Variants in EPHA6 observed in about 807,000 individuals in gnomAD.
The protein encoded by EPHA6 is ephrin type-A receptor 6.
In EPHA6, 50 loss-of-function variants were observed where a neutral mutation model predicts 112.0. The ratio of observed to expected loss-of-function variants is 0.45; its 90% CI spans 0.36 to 0.56. The LOEUF is 0.56. Among genes scored for constraint, EPHA6 ranks in the 20% least tolerant of loss-of-function variants. The pLI, the probability that EPHA6 is intolerant of heterozygous loss-of-function variation, is 0.00. For missense variants in EPHA6, 1,280 were observed against 1,417.4 expected (o/e 0.90, Z 1.56); for synonymous variants, 529 against 490.7 (o/e 1.08, Z -1.03).
intron 5 of EPHA6, among the ~76,000 whole-genome samples, chr3:97,295,133 G>A (rs565334515): frequency 4.1e-4 from 62 of 152,210 alleles, no homozygotes; most frequent in African/African-American, 1.5e-3. Flanking sequence ...CTAGACCTCA[G>A]AAGTTTTTAC....
intron 11 of EPHA6, among the ~76,000 whole-genome samples, chr3:97,563,758 A>T (rs573360587): frequency 6.6e-6 from 1 of 152,294 alleles, no homozygotes; most frequent in East Asian, 1.9e-4. Context: ...GAGGTCCAAA[A>T]CATTCTCCTT....
chr3:97,332,215 T>C (rs1437194885), intron 5 of EPHA6, among the ~76,000 whole-genome samples: 1 of 152,156 alleles, frequency 6.6e-6, no homozygotes, highest in Non-Finnish European at 1.5e-5. Flanking sequence ...CAACCCTTCA[T>C]GCTAAGAACT....
At chr3:97,457,244 T>A (rs1475331503) in intron 7 of EPHA6, among the ~76,000 whole-genome samples, 3 of 152,154 alleles carry the variant, frequency 2.0e-5, no homozygotes, top group African/African-American at 7.2e-5. Flanking sequence ...TTAGGAGAGC[T>A]CTAGCTGGTT....
intron 1 of EPHA6, among the ~76,000 whole-genome samples, chr3:96,815,852 C>T (rs557696744): frequency 6.6e-6 from 1 of 152,244 alleles, no homozygotes; most frequent in East Asian, 1.9e-4. Context: ...AAAGTACCAC[C>T]TGCATATTCT....
intron 3 of EPHA6, among the ~76,000 whole-genome samples, chr3:97,052,542 A>C (rs1458356674): frequency 1.3e-5 from 2 of 152,146 alleles, no homozygotes; most frequent in African/African-American, 4.8e-5. Context: ...TTGTTGACTA[A>C]GTAAATAATT....
intron 2 of EPHA6, among the ~76,000 whole-genome samples, chr3:96,912,414 A>C (rs1171733787): frequency 6.6e-6 from 1 of 152,134 alleles, no homozygotes; most frequent in Non-Finnish European, 1.5e-5. Flanking sequence ...AGGAGATTTC[A>C]ATATTGTGAG....
intron 13 of EPHA6, among the ~76,000 whole-genome samples, chr3:97,633,957 T>C (rs981073439): frequency 1.3e-5 from 2 of 152,170 alleles, no homozygotes; most frequent in Admixed American, 6.5e-5. Context: ...TGGAGTGTTT[T>C]TGTTTGTTTG....
chr3:96,822,966 G>A (rs1002462656), intron 1 of EPHA6, among the ~76,000 whole-genome samples: 18 of 151,354 alleles, frequency 1.2e-4, no homozygotes, highest in Admixed American at 3.3e-4. Flanking sequence ...TGTATTTAAA[G>A]CAAGTTAATA....
intron 11 of EPHA6, among the ~76,000 whole-genome samples, chr3:97,547,676 C>G (rs924458634): frequency 6.6e-6 from 1 of 152,216 alleles, no homozygotes; most frequent in Non-Finnish European, 1.5e-5. Context: ...CCTACAGAGG[C>G]AGGCAGGACT....
At chr3:97,590,235 C>T (rs1395040772) in intron 11 of EPHA6, 1 of 152,026 alleles carries the variant, frequency 6.6e-6, no homozygotes, top group Non-Finnish European at 1.5e-5. Flanking sequence ...ATGACAGTTC[C>T]TTAAGGAAGA....
intron 2 of EPHA6, among the ~76,000 whole-genome samples, chr3:96,937,574 G>A (rs2040665881): frequency 6.6e-6 from 1 of 152,012 alleles, no homozygotes; most frequent in Non-Finnish European, 1.5e-5. Flanking sequence ...CACTCTGATG[G>A]TAGTTTCTTT....
chr3:97,444,812 G>A (rs1323377244), intron 6 of EPHA6, among the ~76,000 whole-genome samples: 2 of 152,134 alleles, frequency 1.3e-5, no homozygotes, highest in Non-Finnish European at 2.9e-5. Context: ...ACTCTAGCAA[G>A]AGGGTCCATT....
chr3:97,375,941 G>A (rs1232019162), intron 5 of EPHA6, among the ~76,000 whole-genome samples: 1 of 152,006 alleles, frequency 6.6e-6, no homozygotes, highest in East Asian at 1.9e-4. Flanking sequence ...ATTACAAATG[G>A]GACAAGCCTA....
chr3:97,663,523 C>G (rs1457314050), intron 14 of EPHA6, among the ~76,000 whole-genome samples: 2 of 143,766 alleles, frequency 1.4e-5, no homozygotes, highest in African/African-American at 2.6e-5. Context: ...TATGATGTTC[C>G]CCTTCCTCTA....
intron 4 of EPHA6, among the ~76,000 whole-genome samples, chr3:97,241,755 G>GTTTTTTTTTTTTTTTTTTTTTT (rs553996537): frequency 2.6e-5 from 3 of 116,894 alleles, no homozygotes; most frequent in Non-Finnish European, 3.9e-5. Context: ...CAGCCTTCTT[G>GTTTTTTTTTTTTTTTTTTTTTT]TTTTTTTTTT....
chr3:97,460,278 A>G (rs968474713), intron 7 of EPHA6, among the ~76,000 whole-genome samples: 1 of 152,222 alleles, frequency 6.6e-6, no homozygotes, highest in Non-Finnish European at 1.5e-5. Context: ...CCTTTGCTCT[A>G]AAAATGTGAA....
chr3:96,903,669 C>T (rs1474616350), intron 2 of EPHA6, among the ~76,000 whole-genome samples: 1 of 152,036 alleles, frequency 6.6e-6, no homozygotes, highest in African/African-American at 2.4e-5. Context: ...GCAATCTAGG[C>T]AACCTACGGA....
intron 5 of EPHA6, among the ~76,000 whole-genome samples, chr3:97,324,405 T>TTTTCTTTCTTTCTTTCTTTCTTTCTTTC (rs775072826): frequency 6.7e-5 from 7 of 104,492 alleles, no homozygotes; most frequent in South Asian, 3.5e-4. Flanking sequence ...GCTTTCCTTC[T>TTTTCTTTCTTTCTTTCTTTCTTTCTTTC]TTTCTTTCTT....
intron 5 of EPHA6, among the ~76,000 whole-genome samples, chr3:97,337,887 CAGTG>C (rs1483639301): frequency 1.3e-5 from 2 of 152,124 alleles, no homozygotes. Context: ...ACGAGCAACT[CAGTG>C]GGTGGAGGAT....
Sources: gnomAD v4.1 joint callset for allele counts (sites outside exome capture counted in the v4.1 genomes callset) on GRCh38, gnomAD v4.1.1 for gene constraint, MANE v1.5 for transcripts, NCBI Gene and HGNC (gene_info 2026-07-23, HGNC 2026-07-21) for gene names.